ADCY2: variants seen among roughly 807,000 people sequenced by gnomAD.
ADCY2 encodes the protein adenylate cyclase 2, also known as adenylate cyclase type 2.
In ADCY2, 31 loss-of-function variants were observed where a neutral mutation model predicts 125.2. The ratio of observed to expected loss-of-function variants is 0.25; its 90% CI spans 0.19 to 0.33. The LOEUF is 0.33. Among genes scored for constraint, ADCY2 ranks in the 10% least tolerant of loss-of-function variants. The pLI is 1.00. For synonymous variants in ADCY2, 512 were observed against 548.4 expected (o/e 0.93, Z 0.93); for missense variants, 904 against 1,418.2 (o/e 0.64, Z 5.82).
intron 2 of ADCY2, among the ~76,000 whole-genome samples, chr5:7,482,533 T>A (rs775144692): frequency 6.6e-6 from 1 of 152,038 alleles, no homozygotes; most frequent in African/African-American, 2.4e-5. Context: ...TATGTACTGT[T>A]GATGTAAATT....
intron 3 of ADCY2, among the ~76,000 whole-genome samples, chr5:7,550,023 G>A (rs1238354258): frequency 2.0e-5 from 3 of 152,042 alleles, no homozygotes; most frequent in African/African-American, 7.3e-5. Context: ...GTTTTCCTGG[G>A]ACCCCAGGGA....
intron 4 of ADCY2, chr5:7,658,096 T>C (rs1739401207): frequency 6.6e-6 from 1 of 152,268 alleles, no homozygotes; most frequent in Non-Finnish European, 1.5e-5. Flanking sequence ...AAGAGGCAGA[T>C]ATCAAAGCTG....
chr5:7,634,797 T>C (rs2126667382), intron 4 of ADCY2, among the ~76,000 whole-genome samples: 2 of 152,144 alleles, frequency 1.3e-5, no homozygotes, highest in Admixed American at 1.3e-4. Context: ...CTCTTTGCGC[T>C]TAAATTCTAA....
chr5:7,432,538 C>T (rs75303366), intron 2 of ADCY2, among the ~76,000 whole-genome samples: 2,024 of 152,260 alleles, frequency 0.013, 47 homozygotes, highest in African/African-American at 0.047. Context: ...CTCCATCCCA[C>T]GAGGGGTTGA....
intron 3 of ADCY2, among the ~76,000 whole-genome samples, chr5:7,590,821 G>A (rs1002213478): frequency 1.3e-5 from 2 of 152,006 alleles, no homozygotes; most frequent in African/African-American, 4.8e-5. Context: ...TTGCTTCTAG[G>A]CATTTAAAAA....
rs957299867 is a variant in ADCY2, at chr5:7,802,031, C to G, written c.2629-187C>G. Reference sequence around the variant, plus strand: ...AACTGGTAGTGGCCTGAATCCAGCTCATTAGAAGCTTTCCCCTGAGAGCAG... The same window carrying G: ...AACTGGTAGTGGCCTGAATCCAGCTGATTAGAAGCTTTCCCCTGAGAGCAG... On this transcript the variant is annotated intron_variant, in intron 20 of 24. Coordinates refer to ENST00000338316, the MANE Select transcript of ADCY2 (RefSeq NM_020546.3). This position sits in a 1 kb window ranked among gnomAD's most constrained non-coding sequence, Gnocchi z 4.6. The G allele has an allele frequency of 5.0e-6, 3 of 595,906 alleles. No homozygotes were observed. In the African/African-American group the frequency reaches 5.6e-5, roughly 11 times the overall value. The allele number at this position is 595,906 out of a possible 1,614,324, so 36.9% of individuals were successfully genotyped here.
At position 7,822,460 on chromosome 5, in the gene ADCY2, G is replaced by A. The variant is rs1053819426; in HGVS notation, c.3123+1771G>A. ...AGTGTAATATCTGTCCCCCTCAGAG[G>A]CACAAACATCTAGCAACACAGAATG... is the stretch of plus-strand genomic sequence containing the variant. On this transcript the variant is annotated intron_variant, in intron 24 of 24. Transcript: ENST00000338316. Among the ~76,000 whole-genome samples the A allele has an allele frequency of 4.6e-5, 7 of 152,182 alleles. 1 individual carries two copies. The South Asian group carries it at 1.5e-3, about 32-fold the overall frequency.
Position 7,429,308 on chromosome 5 carries a change from A to G in ADCY2, c.408+14538A>G, listed in dbSNP as rs370628401. Among the ~76,000 whole-genome samples, 5 of 152,336 alleles carry G rather than the reference A, an allele frequency of 3.3e-5. No individual in the cohort carries two copies. In the East Asian group the frequency reaches 5.8e-4, roughly 18 times the overall value. On this transcript the variant is annotated intron_variant, in intron 2 of 24. Coordinates refer to ENST00000338316, the MANE Select transcript of ADCY2 (RefSeq NM_020546.3). ...TTCAGAATACATGATGTAAAAATCCATGTTTACTCAGAGATTTTAGTACCC... is the reference window on the plus strand; with the variant it reads ...TTCAGAATACATGATGTAAAAATCCGTGTTTACTCAGAGATTTTAGTACCC...
intron 4 of ADCY2, among the ~76,000 whole-genome samples, chr5:7,664,643 A>G (rs1410318429): frequency 6.6e-6 from 1 of 152,200 alleles, no homozygotes; most frequent in Non-Finnish European, 1.5e-5. Context: ...TTACCCCAAA[A>G]TATATTTCCT....
chr5:7,631,842 A>G (rs1738320810), intron 4 of ADCY2, among the ~76,000 whole-genome samples: 2 of 152,094 alleles, frequency 1.3e-5, no homozygotes, highest in African/African-American at 4.8e-5. Flanking sequence ...GTCTGCTTGG[A>G]CATGTGGTGG....
At chr5:7,434,512 A>G (rs1480314560) in intron 2 of ADCY2, among the ~76,000 whole-genome samples, 1 of 152,234 alleles carries the variant, frequency 6.6e-6, no homozygotes, top group Non-Finnish European at 1.5e-5. Context: ...GAAGCTGGAT[A>G]TGACATGGAT....
intron 4 of ADCY2, among the ~76,000 whole-genome samples, chr5:7,660,238 GAGAAGGAAGGAAGGAA>G (rs1739476434): frequency 1.1e-5 from 1 of 94,600 alleles, no homozygotes; most frequent in Non-Finnish European, 2.1e-5. Flanking sequence ...GAGGGAGGGA[GAGAAGGAAGGAAGGAA>G]GGAAGGAAGG....
chr5:7,730,201 A>G (rs1179193927), intron 14 of ADCY2, among the ~76,000 whole-genome samples: 2 of 152,222 alleles, frequency 1.3e-5, no homozygotes, highest in Non-Finnish European at 2.9e-5. Context: ...AAGTTGCTGC[A>G]AAAGATATTA....
intron 4 of ADCY2, among the ~76,000 whole-genome samples, chr5:7,656,570 G>A (rs1739335609): frequency 6.6e-6 from 1 of 152,222 alleles, no homozygotes; most frequent in Non-Finnish European, 1.5e-5. Context: ...TCATGTCAAA[G>A]GGGCCCTGAG....
At chr5:7,634,522 A>T (rs568208516) in intron 4 of ADCY2, among the ~76,000 whole-genome samples, 1 of 152,282 alleles carries the variant, frequency 6.6e-6, no homozygotes, top group East Asian at 1.9e-4. Flanking sequence ...ACGTTGTCAT[A>T]AATGTGGACT....
At chr5:7,814,111 G>A (rs74503480) in intron 22 of ADCY2, among the ~76,000 whole-genome samples, 10,509 of 152,108 alleles carry the variant, frequency 0.069, 1,240 homozygotes, top group African/African-American at 0.24. Context: ...GTTAGCTGAC[G>A]GTCAACTTTG....
chr5:7,692,842 T>TA (rs1442957663), intron 5 of ADCY2, among the ~76,000 whole-genome samples: 2 of 152,178 alleles, frequency 1.3e-5, no homozygotes, highest in African/African-American at 4.8e-5. Context: ...GGCTCTCTCT[T>TA]ACCTCCTCTC....
intron 2 of ADCY2, among the ~76,000 whole-genome samples, chr5:7,437,838 G>C (rs1470011680): frequency 2.6e-5 from 4 of 152,228 alleles, no homozygotes; most frequent in African/African-American, 9.6e-5. Context: ...AGCACAAGAA[G>C]AGTATAAACT....
At chr5:7,547,164 G>T (rs1471483295) in intron 3 of ADCY2, among the ~76,000 whole-genome samples, 1 of 152,162 alleles carries the variant, frequency 6.6e-6, no homozygotes, top group Non-Finnish European at 1.5e-5. Flanking sequence ...CCACAAGTGG[G>T]TAAAAGCAGG....
Sources: gnomAD v4.1 joint callset for allele counts (sites outside exome capture counted in the v4.1 genomes callset) on GRCh38, gnomAD v4.1.1 for gene constraint, Gnocchi (gnomAD v3.1) non-coding constraint, MANE v1.5 for transcripts, NCBI Gene and HGNC (gene_info 2026-07-23, HGNC 2026-07-21) for gene names.